RYK: variants seen among roughly 807,000 people sequenced by gnomAD.
The protein encoded by RYK is inactive tyrosine-protein kinase RYK.
RYK carries 21 observed loss-of-function variants against 70.2 expected under a neutral mutation model. That is an observed-to-expected ratio of 0.30 (90% CI 0.21 to 0.43). The LOEUF is 0.43. Among genes scored for constraint, RYK ranks in the 20% least tolerant of loss-of-function variants. The pLI is 1.00. For missense variants in RYK, 604 were observed against 753.3 expected (o/e 0.80, Z 2.32); for synonymous variants, 267 against 278.0 (o/e 0.96, Z 0.39).
intron 13 of RYK, among the ~76,000 whole-genome samples, chr3:134,160,724 G>A (rs1342095779): frequency 2.0e-5 from 3 of 152,116 alleles, no homozygotes; most frequent in South Asian, 2.1e-4. Flanking sequence ...GCATGGTGGC[G>A]CATGCCTGTA....
Position 134,211,546 on chromosome 3 carries a change from T to C in RYK, c.416A>G (p.Asn139Ser). 1 of 1,613,764 alleles carries C rather than the reference T, an allele frequency of 6.2e-7. No individual in the cohort carries two copies. The highest frequency in any genetic ancestry group is 8.5e-7 in the Non-Finnish European group (1 of 1,179,738). ...NVLAMDMPQV[N>S]ISVQGEVPRT... ...TGGAACTTCCCCCTGAACAGAAATGTTGACCTGGGGCATATCCATTGCCAA... is the reference window on the plus strand; with the variant it reads ...TGGAACTTCCCCCTGAACAGAAATGCTGACCTGGGGCATATCCATTGCCAA... The change falls in exon 3 of 15, where the codon AAC becomes AGC. Residue 139 changes from asparagine (N) to serine (S), a missense_variant. By Grantham distance (46) the Asn-to-Ser change is conservative. Coordinates refer to ENST00000623711, the MANE Select transcript of RYK (RefSeq NM_002958.4).
At chr3:134,202,263 A>G (rs2014051035) in intron 6 of RYK, among the ~76,000 whole-genome samples, 1 of 152,194 alleles carries the variant, frequency 6.6e-6, no homozygotes, top group Non-Finnish European at 1.5e-5. Flanking sequence ...GGTGGACCCA[A>G]ATACCAGTAT....
intron 2 of RYK, among the ~76,000 whole-genome samples, chr3:134,221,407 G>A (rs1269388447): frequency 6.6e-6 from 1 of 151,730 alleles, no homozygotes; most frequent in Non-Finnish European, 1.5e-5. Context: ...GTTTCACCAT[G>A]TTGGCCAAGA....
intron 13 of RYK, among the ~76,000 whole-genome samples, chr3:134,168,434 T>C (rs1049098625): frequency 3.3e-5 from 5 of 152,184 alleles, no homozygotes; most frequent in African/African-American, 1.2e-4. Context: ...TGGAATGCTA[T>C]GCAGCCATAA....
At position 134,211,609 on chromosome 3, in the gene RYK, T is replaced by C; in HGVS notation, c.355-2A>G. 6.2e-7 allele frequency: 1 copy of C among 1,607,242 alleles called. No individual in the cohort carries two copies. Among genetic ancestry groups the C allele is most frequent in the Non-Finnish European group, 8.5e-7 (1 of 1,174,120 alleles). Reference sequence around the variant, plus strand: ...TTGGAATCCCAGCTTATATTCAACCTGTAAAATAGACAAAAATAAACAAAA... The same window carrying C: ...TTGGAATCCCAGCTTATATTCAACCCGTAAAATAGACAAAAATAAACAAAA... On this transcript the variant is annotated splice_acceptor_variant, in intron 2 of 14. Transcript: ENST00000623711. LOFTEE classifies it high-confidence loss of function.
At chr3:134,190,471 T>C (rs754864575) in intron 8 of RYK, among the ~76,000 whole-genome samples, 10 of 152,122 alleles carry the variant, frequency 6.6e-5, no homozygotes, top group Non-Finnish European at 1.3e-4. Context: ...GCAATTCACA[T>C]TCCTACCAGC....
chr3:134,245,723 A>G (rs1362661874), intron 1 of RYK, among the ~76,000 whole-genome samples: 1 of 152,178 alleles, frequency 6.6e-6, no homozygotes, highest in Non-Finnish European at 1.5e-5. Flanking sequence ...TCAGCCAGGT[A>G]ACCCAAACCC....
chr3:134,172,921 A>C (rs1314051477), intron 13 of RYK, among the ~76,000 whole-genome samples: 2 of 152,114 alleles, frequency 1.3e-5, no homozygotes, highest in African/African-American at 4.8e-5. Context: ...TGGCTAGGAG[A>C]GGCTGTGGAC....
chr3:134,168,539 C>T (rs2012773013), intron 13 of RYK, among the ~76,000 whole-genome samples: 1 of 146,104 alleles, frequency 6.8e-6, no homozygotes, highest in Admixed American at 7.2e-5. Flanking sequence ...CCAAACACCG[C>T]ATGTTCACAC....
chr3:134,216,416 G>A (rs1003888591), intron 2 of RYK, among the ~76,000 whole-genome samples: 6 of 152,142 alleles, frequency 3.9e-5, no homozygotes, highest in Non-Finnish European at 7.3e-5. Context: ...ATTCCTGAAA[G>A]CACAGAACAG....
At chr3:134,209,597 AT>A in intron 4 of RYK, 97 bp downstream of exon 4, 1 of 859,208 alleles carries the variant, frequency 1.2e-6, no homozygotes, top group Non-Finnish European at 1.7e-6. Flanking sequence ...AACTATAATC[AT>A]GAGTTGGACA....
At chr3:134,219,782 C>T (rs1044688503) in intron 2 of RYK, among the ~76,000 whole-genome samples, 1 of 152,194 alleles carries the variant, frequency 6.6e-6, no homozygotes, top group Non-Finnish European at 1.5e-5. Flanking sequence ...AATGGTTATC[C>T]AGTGTAGGTC....
Position 134,211,591 on chromosome 3 carries a change from C to A in RYK, c.371G>T (p.Gly124Val), listed in dbSNP as rs751788725. The A allele has an allele frequency of 6.2e-7, 1 of 1,613,128 alleles. No individual in the cohort carries two copies. Among genetic ancestry groups the A allele is most frequent in the South Asian group, 1.1e-5 (1 of 91,036 alleles). The change falls in exon 3 of 15, where the codon GGA (glycine) becomes GTA (valine). Residue 124 changes from glycine to valine, a missense_variant. Coordinates refer to ENST00000623711, the MANE Select transcript of RYK (RefSeq NM_002958.4). ...TGCCAAAACATTGTCCACTTGGAAT[C>A]CCAGCTTATATTCAACCTGTAAAAT... Reference protein sequence around the residue: ...HAKSKVEYKLGFQVDNVLAMD... With the variant: ...HAKSKVEYKLVFQVDNVLAMD...
In RYK at chr3:134,175,671, G is replaced by C; in HGVS notation, c.1513C>G (p.Pro505Ala). The C allele has an allele frequency of 6.2e-7, 1 of 1,613,974 alleles. No homozygotes were observed. Among genetic ancestry groups the C allele is most frequent in the Middle Eastern group, 1.6e-4 (1 of 6,062 alleles). Reference protein sequence around the residue: ...YHCLGDNENRPVRWMALESLV... With the variant: ...YHCLGDNENRAVRWMALESLV... ...CTTTCAAGAGCCATCCAACGAACTG[G>C]CCTGTTTTCATTGTCCCCCAGACAG... is the stretch of plus-strand genomic sequence containing the variant. Residue 505 changes from proline to alanine, a missense_variant, in exon 13 of 15, where the codon CCA becomes GCA. This residue lies in a region of RYK where 138 missense variants were observed against 217.4 expected (regional missense o/e 0.63). Coordinates refer to ENST00000623711, the MANE Select transcript of RYK (RefSeq NM_002958.4).
intron 6 of RYK, 38 bp downstream of exon 6, chr3:134,202,692 G>A (rs758098452): frequency 6.3e-7 from 1 of 1,592,856 alleles, no homozygotes; most frequent in African/African-American, 1.3e-5. Flanking sequence ...ACAAATAACT[G>A]CTTTCATTTT....
chr3:134,207,268 C>T (rs895487944), intron 5 of RYK, among the ~76,000 whole-genome samples: 1 of 152,082 alleles, frequency 6.6e-6, no homozygotes, highest in African/African-American at 2.4e-5. Context: ...TTACAAAATA[C>T]GTATAAATTT....
intron 5 of RYK, among the ~76,000 whole-genome samples, chr3:134,205,421 T>C (rs920989025): frequency 9.9e-5 from 15 of 152,218 alleles, no homozygotes; most frequent in African/African-American, 3.6e-4. Flanking sequence ...GACTTGGCTG[T>C]AGCCTGAATG....
At chr3:134,199,476 G>T (rs542029945) in intron 6 of RYK, among the ~76,000 whole-genome samples, 5 of 152,308 alleles carry the variant, frequency 3.3e-5, no homozygotes, top group African/African-American at 9.6e-5. Context: ...GCTCTGCCCT[G>T]CTCCTAGAAG....
At chr3:134,204,640 CTG>C (rs971643824) in intron 5 of RYK, among the ~76,000 whole-genome samples, 8 of 144,366 alleles carry the variant, frequency 5.5e-5, no homozygotes, top group African/African-American at 1.0e-4. Context: ...CAGAAGCAAA[CTG>C]AGAAAAAACA....
Sources: gnomAD v4.1 joint callset for allele counts (sites outside exome capture counted in the v4.1 genomes callset) on GRCh38, gnomAD v4.1.1 for gene constraint, gnomAD v4.1.1 regional missense constraint, MANE v1.5 for transcripts, NCBI Gene and HGNC (gene_info 2026-07-23, HGNC 2026-07-21) for gene names.